PCDHGA5: variants seen among roughly 807,000 people sequenced by gnomAD.
PCDHGA5 encodes protocadherin gamma-A5.
PCDHGA5 carries 36 observed loss-of-function variants against 56.7 expected under a neutral mutation model. The observed-to-expected ratio is 0.64, with a 90% CI of 0.49 to 0.84. The LOEUF is 0.84. Among genes scored for constraint, PCDHGA5 ranks in the 40% least tolerant of loss-of-function variants. The pLI is 0.00. For missense variants in PCDHGA5, 1,305 were observed against 1,201.5 expected (o/e 1.09, Z -1.27); for synonymous variants, 563 against 520.2 (o/e 1.08, Z -1.12).
intron 1 of PCDHGA5, chr5:141,409,175 G>T: frequency 6.2e-7 from 1 of 1,614,008 alleles, no homozygotes; most frequent in Non-Finnish European, 8.5e-7. Flanking sequence ...GAAGGACGGA[G>T]GTGGTCTCTC....
At position 141,371,721 on chromosome 5, in the gene PCDHGA5, C is replaced by T. The variant is rs199558038; in HGVS notation, c.2421+4970C>T. 1,426 of 1,614,084 alleles carry T rather than the reference C, an allele frequency of 8.8e-4. 23 individuals are homozygous for T. In the South Asian group the frequency reaches 0.014, roughly 16 times the overall value. On this transcript the variant is annotated intron_variant, in intron 1 of 3. Coordinates refer to ENST00000518069, the MANE Select transcript of PCDHGA5 (RefSeq NM_018918.3). ...CAGCAAGACCATCACTCTGCACATCCTTGATGTCAACGACAACGTTCCCGT... is the reference window on the plus strand; with the variant it reads ...CAGCAAGACCATCACTCTGCACATCTTTGATGTCAACGACAACGTTCCCGT...
chr5:141,491,612 G>C lies in PCDHGA5; in HGVS notation c.2422-3195G>C, dbSNP rs759955730. 1 of 1,613,906 alleles carries C rather than the reference G, an allele frequency of 6.2e-7. No individual in the cohort carries two copies. Among genetic ancestry groups the C allele is most frequent in the South Asian group, 1.1e-5 (1 of 91,080 alleles). ...GACGGCAGTGACTTCACTTTTCTAA[G>C]ACCCCTCAGCGTTCAGCAGCCCACA... On this transcript the variant is annotated intron_variant, in intron 1 of 3. Transcript: ENST00000518069. The surrounding 1 kb of genome is among the most constrained non-coding windows in gnomAD (Gnocchi z 6.9).
Position 141,489,068 on chromosome 5 carries a change from G to GC in PCDHGA5, c.2422-5736dup. ...CTCAAATTCAGCTCCCCTCCCCCCT[G>GC]CCCACCCCCGCCACTCGGTGACTAA... On this transcript the variant is annotated intron_variant, in intron 1 of 3. Transcript: ENST00000518069. The surrounding 1 kb of genome is among the most constrained non-coding windows in gnomAD (Gnocchi z 4.5). 3 of 291,558 alleles carry GC rather than the reference G, an allele frequency of 1.0e-5. No homozygotes were observed. Among genetic ancestry groups the GC allele is most frequent in the Admixed American group, 5.4e-5 (1 of 18,530 alleles). 18.1% of individuals were successfully genotyped at this position (291,558 alleles called of 1,614,324 possible).
Position 141,392,253 on chromosome 5 carries a change from T to C in PCDHGA5, c.2421+25502T>C, listed in dbSNP as rs1051019631. ...GTTCTTAGTTATTTGTTAGTATATATTGGAGACATTTACAATAAAGCTTAG... is the reference window on the plus strand; with the variant it reads ...GTTCTTAGTTATTTGTTAGTATATACTGGAGACATTTACAATAAAGCTTAG... On this transcript the variant is annotated intron_variant, in intron 1 of 3. Transcript: ENST00000518069. 3.9e-5 allele frequency: 6 copies of C among 152,218 alleles called. No individual in the cohort carries two copies. The South Asian group carries it at 6.2e-4, about 16-fold the overall frequency. The allele number at this position is 152,218 out of a possible 1,614,324, so 9.4% of individuals were successfully genotyped here. A position where few individuals can be genotyped will look rare whatever the true frequency, so the allele number is the denominator to read the frequency against.
intron 1 of PCDHGA5, chr5:141,384,930 C>A (rs764481830): frequency 6.2e-7 from 1 of 1,614,060 alleles, no homozygotes; most frequent in Admixed American, 1.7e-5. Flanking sequence ...ACCTGGGCAG[C>A]CTTGAGCCCT....
intron 1 of PCDHGA5, chr5:141,388,021 T>G (rs933819691): frequency 6.9e-7 from 1 of 1,457,968 alleles, no homozygotes; most frequent in Non-Finnish European, 9.3e-7. Flanking sequence ...AAGGGCTCCG[T>G]AGTGGGGAAC....
Position 141,490,685 on chromosome 5 carries a change from A to G in PCDHGA5, c.2422-4122A>G, listed in dbSNP as rs2099703028. On this transcript the variant is annotated intron_variant, in intron 1 of 3. Coordinates refer to ENST00000518069, the MANE Select transcript of PCDHGA5 (RefSeq NM_018918.3). The surrounding 1 kb of genome is among the most constrained non-coding windows in gnomAD (Gnocchi z 5.4). ...TGCACTGTGGCTGCCTCAGATCCAGACACTGGGGATAATGCCCGCCTCACC... is the reference window on the plus strand; with the variant it reads ...TGCACTGTGGCTGCCTCAGATCCAGGCACTGGGGATAATGCCCGCCTCACC... The G allele has an allele frequency of 1.9e-6, 3 of 1,614,030 alleles. No individual in the cohort carries two copies. Among genetic ancestry groups the G allele is most frequent in the South Asian group, 2.2e-5 (2 of 91,082 alleles).
chr5:141,374,554 C>G (rs1412584015), intron 1 of PCDHGA5: 1 of 1,613,560 alleles, frequency 6.2e-7, no homozygotes, highest in African/African-American at 1.3e-5. Flanking sequence ...TAATGGAGGT[C>G]TATGACCCTG....
chr5:141,388,663 C>T (rs770660956), intron 1 of PCDHGA5: 1 of 1,613,810 alleles, frequency 6.2e-7, no homozygotes, highest in Non-Finnish European at 8.5e-7. Flanking sequence ...CCGGGGACCA[C>T]GGTGCTACAG....
intron 3 of PCDHGA5, 87 bp from the exon 4 acceptor site, chr5:141,510,854 TGTATAG>T: frequency 6.2e-7 from 1 of 1,602,320 alleles, no homozygotes; most frequent in Non-Finnish European, 8.5e-7. Flanking sequence ...CCCAGGGTGC[TGTATAG>T]GCATTCATTA....
chr5:141,510,221 C>T lies in PCDHGA5; in HGVS notation c.2570-726C>T, dbSNP rs891359580. On this transcript the variant is annotated intron_variant, in intron 3 of 3. Transcript: ENST00000518069. The stretch of plus-strand genomic sequence containing the variant: ...CCAGGAGGCAGAGGTTGCAGTGAGC[C>T]GGGATCGCGCCACTGCACTCCAGGC... Among the ~76,000 whole-genome samples, 12 of 150,616 alleles carry T rather than the reference C, an allele frequency of 8.0e-5. No homozygotes were observed. In the East Asian group the frequency reaches 1.2e-3, roughly 15 times the overall value.
intron 1 of PCDHGA5, chr5:141,441,728 G>T: frequency 2.8e-6 from 1 of 361,966 alleles, no homozygotes. Flanking sequence ...CCCGCGACCA[G>T]GACTAGCTCG....
At chr5:141,412,890 T>G (rs2095584785) in intron 1 of PCDHGA5, 1 of 330,212 alleles carries the variant, frequency 3.0e-6, no homozygotes, top group Non-Finnish European at 5.4e-6. Context: ...AACAGAATAG[T>G]TTACTTTCCA....
In PCDHGA5 at chr5:141,400,641, G is replaced by C. The variant is rs1427284697; in HGVS notation, c.2421+33890G>C. On this transcript the variant is annotated intron_variant, in intron 1 of 3. Coordinates refer to ENST00000518069, the MANE Select transcript of PCDHGA5 (RefSeq NM_018918.3). ...GTCTTAGGGAAGTCAGAGCTGCTCA[G>C]AAAGCTGTCCTACCATTCTTTAAGA... The C allele has an allele frequency of 9.3e-6, 12 of 1,288,952 alleles. No homozygotes were observed. The East Asian group carries it at 2.8e-4, about 30-fold the overall frequency. 79.8% of individuals were successfully genotyped at this position (1,288,952 alleles called of 1,614,324 possible). A position where few individuals can be genotyped will look rare whatever the true frequency, so the allele number is the denominator to read the frequency against.
At chr5:141,375,421 C>A in intron 1 of PCDHGA5, 1 of 1,613,998 alleles carries the variant, frequency 6.2e-7, no homozygotes, top group African/African-American at 1.3e-5. Context: ...CAGACACCAA[C>A]GACAACCCGC....
chr5:141,370,315 G>C, intron 1 of PCDHGA5: 1 of 1,276,896 alleles, frequency 7.8e-7, no homozygotes, highest in South Asian at 1.6e-5. Context: ...GCAAATAGTT[G>C]GTCCTGCTCG....
intron 1 of PCDHGA5, chr5:141,478,825 T>G: frequency 1.4e-6 from 2 of 1,441,878 alleles, no homozygotes; most frequent in East Asian, 5.0e-5. Context: ...TAACCAATCT[T>G]GCTAAGGGAT....
intron 1 of PCDHGA5, among the ~76,000 whole-genome samples, chr5:141,447,123 T>TTTTG (rs1327676720): frequency 6.6e-6 from 1 of 152,160 alleles, no homozygotes; most frequent in Admixed American, 6.6e-5. Context: ...CCATGGATTT[T>TTTTG]TTTGTTTGTT....
intron 1 of PCDHGA5, among the ~76,000 whole-genome samples, chr5:141,369,266 C>T (rs1021396846): frequency 2.0e-5 from 3 of 152,132 alleles, no homozygotes; most frequent in African/African-American, 7.2e-5. Context: ...ATTATAAGGA[C>T]TTACAATTCA....
Sources: gnomAD v4.1 joint callset for allele counts (sites outside exome capture counted in the v4.1 genomes callset) on GRCh38, gnomAD v4.1.1 for gene constraint, Gnocchi (gnomAD v3.1) non-coding constraint, MANE v1.5 for transcripts, NCBI Gene and HGNC (gene_info 2026-07-23, HGNC 2026-07-21) for gene names.